SYT1: variants seen among roughly 807,000 people sequenced by gnomAD.
SYT1 encodes synaptotagmin 1, also known as synaptotagmin-1.
Under a neutral mutation model 44.8 loss-of-function variants are expected in SYT1, and 8 were observed. The observed-to-expected ratio is 0.18, with a 90% CI of 0.10 to 0.32. SYT1 has a LOEUF of 0.32. Ranked by LOEUF, SYT1 falls within the 10% of genes least tolerant of loss-of-function variation. SYT1 has a pLI of 1.00. For synonymous variants in SYT1, 154 were observed against 188.8 expected (o/e 0.82, Z 1.51); for missense variants, 286 against 509.3 (o/e 0.56, Z 4.22).
intron 8 of SYT1, among the ~76,000 whole-genome samples, chr12:79,317,945 G>C (rs1375311488): frequency 1.3e-5 from 2 of 152,102 alleles, no homozygotes; most frequent in African/African-American, 4.8e-5. Context: ...TGTCAGCAAG[G>C]GTTGTAAAAT....
In SYT1 at chr12:78,876,928, A is replaced by T. The variant is rs1874202063; in HGVS notation, c.-217+11819A>T. ...ATTATATGTATTATATATAATATATATTATATATTATATATAGTGTATTTT... is the reference window on the plus strand; with the variant it reads ...ATTATATGTATTATATATAATATATTTTATATATTATATATAGTGTATTTT... On this transcript the variant is annotated intron_variant, in intron 1 of 10. Transcript: ENST00000261205. Among the ~76,000 whole-genome samples, 3 of 77,830 alleles carry T rather than the reference A, an allele frequency of 3.9e-5. No homozygotes were observed. In the South Asian group the frequency reaches 1.7e-3, roughly 45 times the overall value. 51.1% of individuals were successfully genotyped at this position (77,830 alleles called of 152,430 possible).
rs954199328 is a variant in SYT1 at position 79,364,074 on chromosome 12, A to G, written c.928+10455A>G. 2.6e-5 allele frequency among the ~76,000 whole-genome samples: 4 copies of G among 152,312 alleles called. No homozygotes were observed. In the East Asian group the frequency reaches 7.7e-4, roughly 29 times the overall value. On this transcript the variant is annotated intron_variant, in intron 9 of 10. Transcript: ENST00000261205. ...CCAAATGATCTGACTTAATTTCATC[A>G]CTTAATGCAATTATTTTGGCATCAT...
intron 4 of SYT1, among the ~76,000 whole-genome samples, chr12:79,262,758 C>T (rs1355115775): frequency 1.3e-5 from 2 of 152,200 alleles, no homozygotes; most frequent in African/African-American, 4.8e-5. Flanking sequence ...CTTCCCTCCT[C>T]ATTTCAAAAA....
intron 9 of SYT1, among the ~76,000 whole-genome samples, chr12:79,355,799 A>G (rs1008360407): frequency 1.3e-4 from 20 of 152,160 alleles, no homozygotes; most frequent in African/African-American, 4.8e-4. Flanking sequence ...TCCTCCATTC[A>G]TTCAATAAAC....
chr12:78,875,146 T>C (rs1305006609), intron 1 of SYT1, among the ~76,000 whole-genome samples: 2 of 151,666 alleles, frequency 1.3e-5, no homozygotes, highest in African/African-American at 4.8e-5. Flanking sequence ...TTAAACGTTA[T>C]CAATTTGTAC....
At chr12:79,201,555 A>T (rs1405377542) in intron 3 of SYT1, among the ~76,000 whole-genome samples, 1 of 152,194 alleles carries the variant, frequency 6.6e-6, no homozygotes, top group Non-Finnish European at 1.5e-5. Context: ...GGTGTGACTG[A>T]CACTACCCAA....
chr12:79,265,415 A>AT (rs1878071621), intron 4 of SYT1, among the ~76,000 whole-genome samples: 1 of 152,252 alleles, frequency 6.6e-6, no homozygotes, highest in South Asian at 2.1e-4. Flanking sequence ...TTGACAAATG[A>AT]TTTTCACTGA....
At chr12:78,988,708 T>C (rs994899290) in intron 2 of SYT1, among the ~76,000 whole-genome samples, 1 of 152,054 alleles carries the variant, frequency 6.6e-6, no homozygotes, top group African/African-American at 2.4e-5. Flanking sequence ...GGAAATCAAA[T>C]CATGCAGAGC....
In SYT1 at chr12:78,944,395, C is replaced by T. The variant is rs376344513; in HGVS notation, c.-216-33404C>T. Among the ~76,000 whole-genome samples the T allele has an allele frequency of 1.1e-4, 17 of 151,814 alleles. 1 individual carries two copies. Among genetic ancestry groups the T allele is most frequent in the East Asian group, 5.8e-4 (3 of 5,134 alleles). On this transcript the variant is annotated intron_variant, in intron 1 of 10. Coordinates refer to ENST00000261205, the MANE Select transcript of SYT1 (RefSeq NM_005639.3). ...TAAGTTACTACAAACAACTTAGTTT[C>T]TATTTAAAAAGTGGAAAAAGCTTCT...
chr12:79,026,699 A>ATATATATC lies in SYT1; in HGVS notation c.-83-20595_-83-20594insATATCTAT, dbSNP rs1164483809. Among the ~76,000 whole-genome samples, 76 of 130,634 alleles carry ATATATATC rather than the reference A, an allele frequency of 5.8e-4. 1 individual carries two copies. Among genetic ancestry groups the ATATATATC allele is most frequent in the African/African-American group, 2.1e-3 (73 of 35,278 alleles). The allele number at this position is 130,634 out of a possible 152,430, so 85.7% of individuals were successfully genotyped here. ...TATATATATATATATATATATATAT[A>ATATATATC]TATCACACTTTCATTGTCCATTCAC... is the stretch of plus-strand genomic sequence containing the variant. On this transcript the variant is annotated intron_variant, in intron 2 of 10. Coordinates refer to ENST00000261205, the MANE Select transcript of SYT1 (RefSeq NM_005639.3).
At chr12:79,170,875 A>AAGGTG in intron 3 of SYT1, among the ~76,000 whole-genome samples, 1 of 151,094 alleles carries the variant, frequency 6.6e-6, no homozygotes, top group Admixed American at 6.6e-5. Context: ...TTGATTTTAT[A>AAGGTG]TATGGCAGGG....
At chr12:79,005,368 C>T (rs1871009536) in intron 2 of SYT1, among the ~76,000 whole-genome samples, 1 of 151,864 alleles carries the variant, frequency 6.6e-6, no homozygotes, top group African/African-American at 2.4e-5. Flanking sequence ...TTTAAGGTCC[C>T]ACAAACCTGG....
chr12:78,913,420 A>C (rs1876458658), intron 1 of SYT1, among the ~76,000 whole-genome samples: 1 of 151,520 alleles, frequency 6.6e-6, no homozygotes, highest in Non-Finnish European at 1.5e-5. Context: ...TGAAATATTA[A>C]ATACTTTATT....
At chr12:79,422,508 T>C (rs573161341) in intron 9 of SYT1, among the ~76,000 whole-genome samples, 4 of 151,654 alleles carry the variant, frequency 2.6e-5, no homozygotes, top group Admixed American at 6.6e-5. Flanking sequence ...CCATAGACTC[T>C]AACTTTTTTC....
At chr12:79,040,177 A>G (rs1304975368) in intron 2 of SYT1, among the ~76,000 whole-genome samples, 1 of 151,912 alleles carries the variant, frequency 6.6e-6, no homozygotes. Context: ...TTCTAGTTCC[A>G]GATCCCTGAG....
intron 5 of SYT1, among the ~76,000 whole-genome samples, 159 bp downstream of exon 5, chr12:79,286,130 A>T (rs760237019): frequency 3.3e-5 from 5 of 152,208 alleles, no homozygotes; most frequent in African/African-American, 1.2e-4. Context: ...ATCCCAAAGC[A>T]TAATGGAAGC....
chr12:78,980,918 G>T (rs924585570), intron 2 of SYT1, among the ~76,000 whole-genome samples: 1 of 152,028 alleles, frequency 6.6e-6, no homozygotes, highest in Non-Finnish European at 1.5e-5. Context: ...CTGAGCCAGG[G>T]GGGAGAGGGA....
At chr12:78,893,361 T>C (rs1016519500) in intron 1 of SYT1, among the ~76,000 whole-genome samples, 2 of 151,828 alleles carry the variant, frequency 1.3e-5, no homozygotes, top group African/African-American at 4.8e-5. Flanking sequence ...TATTTTTGAA[T>C]TAAACTTGTC....
intron 8 of SYT1, among the ~76,000 whole-genome samples, chr12:79,335,495 A>G (rs1305235556): frequency 4.6e-5 from 7 of 151,392 alleles, no homozygotes; most frequent in Admixed American, 3.3e-4. Flanking sequence ...TGCAAGAACC[A>G]TCTTCTCCAG....
Sources: allele counts gnomAD v4.1 joint callset (sites outside exome capture counted in the v4.1 genomes callset), GRCh38; gene constraint gnomAD v4.1.1; transcripts MANE v1.5; gene names NCBI Gene and HGNC (gene_info 2026-07-23, HGNC 2026-07-21).